Variants in PTPRT observed in about 807,000 individuals in gnomAD.
PTPRT encodes the protein receptor-type tyrosine-protein phosphatase T.
Under a neutral mutation model 176.8 loss-of-function variants are expected in PTPRT, and 56 were observed. The observed-to-expected ratio is 0.32, with a 90% CI of 0.26 to 0.40. The LOEUF (loss-of-function observed/expected upper bound fraction) is 0.40, where lower values mean the gene tolerates loss of function less well. PTPRT is among the 10% of genes least tolerant of loss of function. The pLI, the probability that PTPRT is intolerant of heterozygous loss-of-function variation, is 1.00. For synonymous variants in PTPRT, 783 were observed against 739.0 expected, an observed-to-expected ratio of 1.06 and a Z score of -0.96; for missense variants, 1,540 against 1,908.2, an observed-to-expected ratio of 0.81 and a Z score of 3.60.
At chr20:42,234,555 A>T (rs944453783) in intron 15 of PTPRT, among the ~76,000 whole-genome samples, 1 of 152,222 alleles carries the variant, frequency 6.6e-6, no homozygotes, top group African/African-American at 2.4e-5. Flanking sequence ...ATCCCCTGCC[A>T]CACAAAAAAT....
At chr20:43,176,634 T>C (rs1275024755) in intron 1 of PTPRT, among the ~76,000 whole-genome samples, 3 of 152,226 alleles carry the variant, frequency 2.0e-5, no homozygotes, top group African/African-American at 7.2e-5. Flanking sequence ...CTGCTTTCAA[T>C]GCTGACATAA....
chr20:42,494,142 T>A (rs549473690), intron 7 of PTPRT, among the ~76,000 whole-genome samples: 1 of 152,308 alleles, frequency 6.6e-6, no homozygotes, highest in South Asian at 2.1e-4. Flanking sequence ...ATTGTCATGT[T>A]AAGCTGCACT....
chr20:42,849,347 C>T (rs2078431210), intron 2 of PTPRT, among the ~76,000 whole-genome samples: 1 of 152,186 alleles, frequency 6.6e-6, no homozygotes, highest in Non-Finnish European at 1.5e-5. Context: ...ATTCAGAGTT[C>T]CATTGTTCTT....
rs537746883 is a variant in PTPRT at position 42,563,155 on chromosome 20, G to A, written c.1154-90593C>T. Among the ~76,000 whole-genome samples the A allele has an allele frequency of 1.3e-3, 197 of 151,872 alleles. 4 individuals carry two copies. Among genetic ancestry groups the A allele is most frequent in the Non-Finnish European group, 1.6e-3 (111 of 67,914 alleles). On this transcript the variant is annotated intron_variant, in intron 7 of 30. Coordinates refer to ENST00000373187, the MANE Select transcript of PTPRT (RefSeq NM_007050.6). ...GTTTATTCTTTACTACTAATGTGTC[G>A]AAAAACACATATTATCCTTAATACG...
At chr20:42,344,869 C>T (rs1430942857) in intron 11 of PTPRT, among the ~76,000 whole-genome samples, 2 of 152,098 alleles carry the variant, frequency 1.3e-5, no homozygotes, top group African/African-American at 4.8e-5. Context: ...CCCAAACACA[C>T]CCTGTACCTT....
chr20:42,780,111 G>T, intron 4 of PTPRT, 107 bp downstream of exon 4: 1 of 896,650 alleles, frequency 1.1e-6, no homozygotes, highest in Non-Finnish European at 1.9e-6. Flanking sequence ...AAGAGAAAGA[G>T]AGAGTGAGAG....
chr20:42,276,554 T>TATATATATATTTATATAA lies in PTPRT; in HGVS notation c.2176+5934_2176+5935insTTATATAAATATATATAT, dbSNP rs2057041912. Among the ~76,000 whole-genome samples, 2 of 89,896 alleles carry TATATATATATTTATATAA rather than the reference T, an allele frequency of 2.2e-5. 1 individual carries two copies. Among genetic ancestry groups the TATATATATATTTATATAA allele is most frequent in the African/African-American group, 8.9e-5 (2 of 22,378 alleles). The allele number at this position is 89,896 out of a possible 152,430, so 59.0% of individuals were successfully genotyped here. On this transcript the variant is annotated intron_variant, in intron 13 of 30. Transcript: ENST00000373187. ...ATATATATATATATATATATATATA[T>TATATATATATTTATATAA]ATATAATGTTCTTGAATACTTGGTA...
At chr20:42,996,312 G>A (rs1267200851) in intron 1 of PTPRT, among the ~76,000 whole-genome samples, 6 of 152,206 alleles carry the variant, frequency 3.9e-5, no homozygotes, top group South Asian at 2.1e-4. Flanking sequence ...GCAAAAAGCA[G>A]TGAGGCTCAC....
intron 1 of PTPRT, among the ~76,000 whole-genome samples, chr20:43,093,745 G>A (rs867929972): frequency 6.6e-6 from 1 of 152,184 alleles, no homozygotes; most frequent in African/African-American, 2.4e-5. Context: ...CCCTGGAGAT[G>A]CAGGTGATCT....
intron 2 of PTPRT, among the ~76,000 whole-genome samples, chr20:42,831,076 T>C (rs1255820678): frequency 6.6e-6 from 1 of 152,184 alleles, no homozygotes; most frequent in Non-Finnish European, 1.5e-5. Flanking sequence ...GCGAAGGCAA[T>C]TCTAAGCAAA....
chr20:42,583,416 A>G (rs968236496), intron 7 of PTPRT, among the ~76,000 whole-genome samples: 8 of 152,154 alleles, frequency 5.3e-5, no homozygotes, highest in Non-Finnish European at 1.0e-4. Flanking sequence ...TTCTGTCTAA[A>G]CAGCCATGCA....
chr20:42,695,016 C>A (rs1265852230), intron 6 of PTPRT, among the ~76,000 whole-genome samples: 1 of 152,164 alleles, frequency 6.6e-6, no homozygotes, highest in African/African-American at 2.4e-5. Context: ...GTAATCCCAG[C>A]CCTTTGGGAG....
Position 42,345,073 on chromosome 20 carries a change from G to T in PTPRT, c.1865+5555C>A, listed in dbSNP as rs554094833. On this transcript the variant is annotated intron_variant, in intron 11 of 30. Transcript: ENST00000373187. ...CTCATGGAAACTTCTGAACAAGCTG[G>T]CCAAACACAGGCTCATTGGCACCTT... Among the ~76,000 whole-genome samples, 19 of 152,084 alleles carry T rather than the reference G, an allele frequency of 1.2e-4. No individual in the cohort carries two copies. The East Asian group carries it at 3.7e-3, about 29-fold the overall frequency.
At chr20:42,518,607 C>G (rs1231326951) in intron 7 of PTPRT, among the ~76,000 whole-genome samples, 2 of 151,922 alleles carry the variant, frequency 1.3e-5, no homozygotes, top group Non-Finnish European at 2.9e-5. Flanking sequence ...TGTAGACTAA[C>G]TATAATTCCC....
At chr20:43,027,044 A>G (rs1985941093) in intron 1 of PTPRT, among the ~76,000 whole-genome samples, 1 of 152,212 alleles carries the variant, frequency 6.6e-6, no homozygotes, top group Non-Finnish European at 1.5e-5. Flanking sequence ...GAGAGTGCAG[A>G]TATCTCTTCA....
chr20:43,033,724 GA>G (rs1421790933), intron 1 of PTPRT, among the ~76,000 whole-genome samples: 1 of 152,190 alleles, frequency 6.6e-6, no homozygotes, highest in Non-Finnish European at 1.5e-5. Context: ...CTCAGCAGAT[GA>G]AGCACAGAGA....
chr20:42,977,532 G>C (rs963207042), intron 1 of PTPRT, among the ~76,000 whole-genome samples: 5 of 151,900 alleles, frequency 3.3e-5, no homozygotes, highest in Non-Finnish European at 1.5e-5. Context: ...ATCAAGAATT[G>C]TTCATAATCT....
chr20:42,224,499 T>C (rs1206367394), intron 15 of PTPRT, among the ~76,000 whole-genome samples: 1 of 152,212 alleles, frequency 6.6e-6, no homozygotes, highest in Non-Finnish European at 1.5e-5. Flanking sequence ...GTTTATCTGA[T>C]GATTGTATGG....
At chr20:42,089,096 C>T (rs2146146044) in intron 27 of PTPRT, among the ~76,000 whole-genome samples, 1 of 151,238 alleles carries the variant, frequency 6.6e-6, no homozygotes, top group Admixed American at 6.6e-5. Context: ...GAGAAAGGAG[C>T]TCTGAGTGTG....
Sources: allele counts gnomAD v4.1 joint callset (sites outside exome capture counted in the v4.1 genomes callset), GRCh38; gene constraint gnomAD v4.1.1; transcripts MANE v1.5; gene names NCBI Gene and HGNC (gene_info 2026-07-23, HGNC 2026-07-21).